PRDM11: variants seen among roughly 807,000 people sequenced by gnomAD.
The protein encoded by PRDM11 is PR/SET domain 11.
In PRDM11, 20 loss-of-function variants were observed where a neutral mutation model predicts 97.8. The ratio of observed to expected loss-of-function variants is 0.20; its 90% confidence interval spans 0.14 to 0.30. The LOEUF (loss-of-function observed/expected upper bound fraction) is 0.30, where lower values mean the gene tolerates loss of function less well. PRDM11 is among the 10% of genes least tolerant of loss of function. The pLI, the probability that PRDM11 is intolerant of heterozygous loss-of-function variation, is 1.00. For synonymous variants in PRDM11, 599 were observed against 637.7 expected (o/e 0.94, Z 0.91); for missense variants, 1,139 against 1,555.2 (o/e 0.73, Z 4.50).
At chr11:45,125,527 C>T (rs1590357452) in intron 1 of PRDM11, among the ~76,000 whole-genome samples, 1 of 152,164 alleles carries the variant, frequency 6.6e-6, no homozygotes, top group Non-Finnish European at 1.5e-5. Flanking sequence ...CCCAGAGATT[C>T]TGGTATGTTG....
chr11:45,180,506 C>G (rs987581366), intron 1 of PRDM11, among the ~76,000 whole-genome samples: 1 of 151,938 alleles, frequency 6.6e-6, no homozygotes, highest in Non-Finnish European at 1.5e-5. Context: ...ATGCGTCCAC[C>G]GCCTGACCCG....
intron 1 of PRDM11, among the ~76,000 whole-genome samples, chr11:45,154,541 C>T (rs1189385932): frequency 6.6e-6 from 1 of 152,092 alleles, no homozygotes; most frequent in African/African-American, 2.4e-5. Flanking sequence ...TGCTGCCCAT[C>T]CTGCTCCCAA....
intron 1 of PRDM11, among the ~76,000 whole-genome samples, chr11:45,158,955 C>A (rs906609932): frequency 1.3e-5 from 2 of 152,158 alleles, no homozygotes; most frequent in Non-Finnish European, 2.9e-5. Flanking sequence ...TGGCTTCTCC[C>A]GGGGACTGTG....
At chr11:45,101,571 A>G (rs1851980851) in intron 1 of PRDM11, among the ~76,000 whole-genome samples, 1 of 112,358 alleles carries the variant, frequency 8.9e-6, no homozygotes, top group Non-Finnish European at 1.8e-5. Context: ...AAAAAAAAAG[A>G]AGAAGAAGAA....
rs958743274 is a variant in PRDM11 at position 45,226,947 on chromosome 11, C to T, written c.2322C>T (p.Ser774=). The T allele has an allele frequency of 2.2e-4, 333 of 1,533,818 alleles. No individual in the cohort carries two copies. Among genetic ancestry groups the T allele is most frequent in the Non-Finnish European group, 2.7e-4 (314 of 1,146,732 alleles). The change falls in exon 8 of 8, where the codon AGC becomes AGT. Residue 774 remains serine (S), a synonymous_variant. Transcript: ENST00000683152. Reference sequence around the variant, plus strand: ...ACCTGGAGATCCTGGATGCCATCAGCGGGAAGGAGCTCCCATGCCTGGAGG... The same window carrying T: ...ACCTGGAGATCCTGGATGCCATCAGTGGGAAGGAGCTCCCATGCCTGGAGG... The part of the protein sequence containing the change: ...RPHLEILDAI[S]GKELPCLEEL...
chr11:45,098,421 G>T (rs1336893963), intron 1 of PRDM11, among the ~76,000 whole-genome samples: 1 of 152,224 alleles, frequency 6.6e-6, no homozygotes, highest in Non-Finnish European at 1.5e-5. Context: ...CTCTTGAAAA[G>T]CTTGGACTTA....
rs373998411 is a variant in PRDM11, at chr11:45,166,185, G to T, written c.-6-15576G>T. Among the ~76,000 whole-genome samples, 4 of 152,318 alleles carry T rather than the reference G, an allele frequency of 2.6e-5. No homozygotes were observed. The East Asian group carries it at 5.8e-4, about 22-fold the overall frequency. On this transcript the variant is annotated intron_variant, in intron 1 of 7. Transcript: ENST00000683152. ...GCTTCAGGTACAGTTGGATCCAGGG[G>T]CTTACACTGTCCTCAGGACTTGTTC...
intron 1 of PRDM11, among the ~76,000 whole-genome samples, chr11:45,149,603 A>C (rs1224826102): frequency 6.6e-6 from 1 of 152,222 alleles, no homozygotes; most frequent in Admixed American, 6.5e-5. Context: ...CTGGTGAATT[A>C]TAAATGACAG....
chr11:45,132,222 A>G (rs1852736862), intron 1 of PRDM11, among the ~76,000 whole-genome samples: 1 of 152,194 alleles, frequency 6.6e-6, no homozygotes, highest in Non-Finnish European at 1.5e-5. Flanking sequence ...CCCTGAGCCC[A>G]TGACAACAAG....
intron 1 of PRDM11, among the ~76,000 whole-genome samples, chr11:45,116,946 G>A (rs541403896): frequency 1.7e-3 from 256 of 152,250 alleles, no homozygotes; most frequent in Non-Finnish European, 2.9e-3. Context: ...CAATGCCTCC[G>A]GGTGCAATGG....
At chr11:45,105,685 C>T (rs1404954316) in intron 1 of PRDM11, among the ~76,000 whole-genome samples, 1 of 152,236 alleles carries the variant, frequency 6.6e-6, no homozygotes, top group Non-Finnish European at 1.5e-5. Context: ...CCCTGGCCCG[C>T]CACCTGGTGG....
At chr11:45,107,722 A>G (rs1852086562) in intron 1 of PRDM11, among the ~76,000 whole-genome samples, 1 of 152,206 alleles carries the variant, frequency 6.6e-6, no homozygotes, top group Non-Finnish European at 1.5e-5. Flanking sequence ...GTAGTGTTAA[A>G]TGAACTGATA....
At chr11:45,204,985 G>A (rs535421331) in intron 5 of PRDM11, among the ~76,000 whole-genome samples, 35 of 152,280 alleles carry the variant, frequency 2.3e-4, no homozygotes, top group South Asian at 8.3e-4. Context: ...TGGTCAGGCC[G>A]TTGGGATGCA....
At chr11:45,175,404 G>A (rs1852304520) in intron 1 of PRDM11, among the ~76,000 whole-genome samples, 1 of 152,126 alleles carries the variant, frequency 6.6e-6, no homozygotes, top group Non-Finnish European at 1.5e-5. Context: ...ACCCTTTTCA[G>A]GTTGGCATCT....
intron 1 of PRDM11, among the ~76,000 whole-genome samples, chr11:45,101,567 A>AAAAGAAGAAGAAGAAG (rs767802218): frequency 1.0e-4 from 10 of 96,862 alleles, no homozygotes; most frequent in African/African-American, 4.4e-4. Context: ...AAAAAAAAAA[A>AAAAGAAGAAGAAGAAG]AAGAAGAAGA....
In PRDM11 at chr11:45,146,756, CCCGCAGCGCGG is replaced by C. The variant is rs1851518250; in HGVS notation, c.-123_-113del. On this transcript the variant is annotated 5_prime_UTR_variant, in exon 1 of 8. Transcript: ENST00000683152. ...CTTTGCCTCGCCGGGGACCAGCGCG[CCCGCAGCGCGG>C]CCGCTCCCTCCGCGGGGGCCGCCAG... 1 of 147,916 alleles carries C rather than the reference CCCGCAGCGCGG, an allele frequency of 6.8e-6. No individual in the cohort carries two copies. Among genetic ancestry groups the C allele is most frequent in the African/African-American group, 2.4e-5 (1 of 40,892 alleles). The allele number at this position is 147,916 out of a possible 1,614,324, so 9.2% of individuals were successfully genotyped here. A position where few individuals can be genotyped will look rare whatever the true frequency, so the allele number is the denominator to read the frequency against.
At chr11:45,104,292 C>T (rs1472318053) in intron 1 of PRDM11, among the ~76,000 whole-genome samples, 1 of 152,212 alleles carries the variant, frequency 6.6e-6, no homozygotes, top group East Asian at 1.9e-4. Context: ...GGAGTAAGGG[C>T]AGAAGAAGGC....
intron 1 of PRDM11, among the ~76,000 whole-genome samples, chr11:45,177,360 C>T (rs981051795): frequency 6.6e-6 from 1 of 152,262 alleles, no homozygotes; most frequent in African/African-American, 2.4e-5. Flanking sequence ...CTGCCGACCC[C>T]CCTTCCCCCA....
At chr11:45,170,630 A>G (rs1397050369) in intron 1 of PRDM11, among the ~76,000 whole-genome samples, 1 of 152,204 alleles carries the variant, frequency 6.6e-6, no homozygotes, top group Non-Finnish European at 1.5e-5. Flanking sequence ...AGGCCAGCAC[A>G]CTGCTGAAGA....
Sources: gnomAD v4.1 joint callset for allele counts (sites outside exome capture counted in the v4.1 genomes callset) on GRCh38, gnomAD v4.1.1 for gene constraint, MANE v1.5 for transcripts, NCBI Gene and HGNC (gene_info 2026-07-23, HGNC 2026-07-21) for gene names.